The following DIDO1 variants were observed in gnomAD, a reference collection of about 807,000 sequenced individuals.
DIDO1 encodes the protein death inducer-obliterator 1, also known as death-inducer obliterator 1.
A neutral mutation model predicts 99.4 loss-of-function variants in DIDO1; 16 were observed. That is an observed-to-expected ratio of 0.16 (90% CI 0.11 to 0.24). The LOEUF (loss-of-function observed/expected upper bound fraction) is 0.24. Among genes scored for constraint, DIDO1 ranks in the 10% least tolerant of loss-of-function variants. The pLI is 1.00. For synonymous variants in DIDO1, 1,366 were observed against 1,239.1 expected (o/e 1.10, Z -2.15); for missense variants, 2,996 against 3,014.0 (o/e 0.99, Z 0.14).
rs1036416163 is a variant in DIDO1 at position 62,880,638 on chromosome 20, C to A, written c.5318G>T (p.Gly1773Val). The change falls in exon 16 of 16, where the codon GGA (glycine) becomes GTA (valine). Residue 1773 changes from glycine to valine, a missense_variant. Around this residue, in one of 5 missense-constraint regions of DIDO1, gnomAD observed 1,562 missense variants for 1,412.6 expected, o/e 1.11. Coordinates refer to ENST00000395343, the MANE Select transcript of DIDO1 (RefSeq NM_001193369.2). Reference sequence around the variant, plus strand: ...AAACGGAGGGGCTGGCCCCCTTGGTCCCGGGAAATTGGGGCCGTGAAGCCC... The same window carrying A: ...AAACGGAGGGGCTGGCCCCCTTGGTACCGGGAAATTGGGGCCGTGAAGCCC... ...MSGLHGPNFPGPRGPAPPFPE... is the reference protein window; with the variant it reads ...MSGLHGPNFPVPRGPAPPFPE... 4 of 1,612,764 alleles carry A rather than the reference C, an allele frequency of 2.5e-6. No homozygotes were observed. Among genetic ancestry groups the A allele is most frequent in the Middle Eastern group, 1.6e-4 (1 of 6,084 alleles).
chr20:62,925,743 G>C (rs1037569338), intron 1 of DIDO1, among the ~76,000 whole-genome samples: 3 of 152,172 alleles, frequency 2.0e-5, no homozygotes, highest in South Asian at 2.1e-4. Context: ...GCGCAAGAGC[G>C]GGCCCTTTCG....
chr20:62,905,507 A>G (rs779637856), intron 6 of DIDO1: 5 of 1,550,916 alleles, frequency 3.2e-6, no homozygotes, highest in Non-Finnish European at 4.4e-6. Flanking sequence ...TGTTGTCAGA[A>G]CAACTCATGT....
intron 6 of DIDO1, among the ~76,000 whole-genome samples, chr20:62,903,565 C>CA (rs1455668993): frequency 6.6e-6 from 1 of 152,202 alleles, no homozygotes; most frequent in East Asian, 1.9e-4. Flanking sequence ...GTTGAGCCTA[C>CA]AAAAGTGCAG....
chr20:62,895,155 T>C lies in DIDO1; in HGVS notation c.2225A>G (p.His742Arg). 1 of 1,607,886 alleles carries C rather than the reference T, an allele frequency of 6.2e-7. No individual in the cohort carries two copies. Among genetic ancestry groups the C allele is most frequent in the Non-Finnish European group, 8.5e-7 (1 of 1,174,734 alleles). The change falls in exon 9 of 16, where the codon CAT (histidine) becomes CGT (arginine). Residue 742 changes from histidine to arginine, a missense_variant. Around this residue, in one of 5 missense-constraint regions of DIDO1, gnomAD observed 898 missense variants for 972.7 expected, o/e 0.92. Coordinates refer to ENST00000395343, the MANE Select transcript of DIDO1 (RefSeq NM_001193369.2). ...AGAGATTTCCTCACGCAGAACACGATGGAAGAGTCCCTATAAACAAGTATT... is the reference window on the plus strand; with the variant it reads ...AGAGATTTCCTCACGCAGAACACGACGGAAGAGTCCCTATAAACAAGTATT... ...LKDPKNQGLF[H>R]RVLREEISLA...
chr20:62,916,032 T>G (rs1207637016), intron 1 of DIDO1, among the ~76,000 whole-genome samples: 4 of 152,116 alleles, frequency 2.6e-5, no homozygotes, highest in Non-Finnish European at 4.4e-5. Flanking sequence ...CAGAGAAAAT[T>G]TACTATAACA....
rs1190278688 is a variant in DIDO1 at position 62,910,937 on chromosome 20, C to T, written c.676G>A (p.Val226Met). ...KQEPENDQGV[V>M]SQAGKDDRES... ...CTGTCATCTTTCCCAGCCTGGGACACAACCCCCTGATCGTTCTCGGGCTCC... is the reference window on the plus strand; with the variant it reads ...CTGTCATCTTTCCCAGCCTGGGACATAACCCCCTGATCGTTCTCGGGCTCC... Residue 226 changes from valine to methionine, a missense_variant, in exon 3 of 16, where the codon GTG becomes ATG. This residue lies in a region of DIDO1 where 388 missense variants were observed against 376.6 expected (regional missense o/e 1.03). Coordinates refer to ENST00000395343, the MANE Select transcript of DIDO1 (RefSeq NM_001193369.2). 7 of 1,614,084 alleles carry T rather than the reference C, an allele frequency of 4.3e-6. No homozygotes were observed. Among genetic ancestry groups the T allele is most frequent in the Non-Finnish European group, 5.1e-6 (6 of 1,180,048 alleles).
In DIDO1 at chr20:62,879,644, G is replaced by T. The variant is rs1309450747; in HGVS notation, c.6312C>A (p.Asp2104Glu). The change falls in exon 16 of 16, where the codon GAC becomes GAA. Residue 2104 changes from aspartate (D) to glutamate (E), a missense_variant. Asp to Glu is a conservative substitution (Grantham distance 45). Transcript: ENST00000395343. This position sits in a 1 kb window ranked among gnomAD's most constrained non-coding sequence, Gnocchi z 6.3. ...GPKEKPLEEP[D>E]AQGRASEDRR... ...TGTCCTCGGACGCCCGGCCCTGGGC[G>T]TCGGGCTCCTCCAGCGGCTTCTCTT... 6.2e-7 allele frequency: 1 copy of T among 1,606,946 alleles called. No individual in the cohort carries two copies. Among genetic ancestry groups the T allele is most frequent in the East Asian group, 2.2e-5 (1 of 44,842 alleles).
intron 15 of DIDO1, among the ~76,000 whole-genome samples, chr20:62,886,077 G>A (rs1244645983): frequency 2.1e-4 from 32 of 152,252 alleles, no homozygotes; most frequent in Admixed American, 2.0e-3. Context: ...GCTGGCACCA[G>A]CCAGGTTGCG....
intron 1 of DIDO1, among the ~76,000 whole-genome samples, chr20:62,936,604 G>T (rs1005008173): frequency 3.9e-5 from 6 of 152,122 alleles, no homozygotes; most frequent in African/African-American, 1.4e-4. Flanking sequence ...GGTGGCTCAC[G>T]CCTGTAATCC....
At chr20:62,883,220 G>T (rs2064242413) in intron 15 of DIDO1, among the ~76,000 whole-genome samples, 1 of 151,322 alleles carries the variant, frequency 6.6e-6, no homozygotes, top group African/African-American at 2.4e-5. Context: ...CACCGCACCC[G>T]GACCCCTTTT....
chr20:62,879,212 G>T lies in DIDO1; in HGVS notation c.*21C>A. 1 of 1,467,846 alleles carries T rather than the reference G, an allele frequency of 6.8e-7. No homozygotes were observed. The allele number at this position is 1,467,846 out of a possible 1,614,324, so 90.9% of individuals were successfully genotyped here. The stretch of plus-strand genomic sequence containing the variant: ...TCTTACGAACGTGGCTTTAAAAAGG[G>T]TCTCTGCCCGGCCGGGGCGTCTAGG... On this transcript the variant is annotated 3_prime_UTR_variant, in exon 16 of 16. Coordinates refer to ENST00000395343, the MANE Select transcript of DIDO1 (RefSeq NM_001193369.2). This position sits in a 1 kb window ranked among gnomAD's most constrained non-coding sequence, Gnocchi z 6.3.
intron 1 of DIDO1, among the ~76,000 whole-genome samples, chr20:62,920,415 G>A (rs1299201539): frequency 3.9e-5 from 6 of 152,214 alleles, no homozygotes; most frequent in Admixed American, 6.5e-5. Flanking sequence ...TCAGCAAGGG[G>A]CTGTGTAGGG....
At position 62,911,516 on chromosome 20, in the gene DIDO1, T is replaced by C. The variant is rs2064941289; in HGVS notation, c.97A>G (p.Thr33Ala). 1.9e-6 allele frequency: 3 copies of C among 1,612,618 alleles called. No homozygotes were observed. The highest frequency in any genetic ancestry group is 1.3e-5 in the African/African-American group (1 of 74,948). Residue 33 changes from threonine (T) to alanine (A), a missense_variant, in exon 3 of 16, where the codon ACT (threonine) becomes GCT (alanine). Thr to Ala is a moderately conservative substitution (Grantham distance 58). Around this residue, in one of 5 missense-constraint regions of DIDO1, gnomAD observed 388 missense variants for 376.6 expected, o/e 1.03. Coordinates refer to ENST00000395343, the MANE Select transcript of DIDO1 (RefSeq NM_001193369.2). The surrounding 1 kb of genome is among the most constrained non-coding windows in gnomAD (Gnocchi z 7.0). The part of the protein sequence containing the change: ...FRKTWGFRRT[T>A]IAKREGAGDA... ...CCTGCGCCCTCTCGCTTGGCGATAGTGGTCCTTCGAAAACCCCATGTTTTC... is the reference window on the plus strand; with the variant it reads ...CCTGCGCCCTCTCGCTTGGCGATAGCGGTCCTTCGAAAACCCCATGTTTTC...
intron 15 of DIDO1, chr20:62,890,247 G>A (rs2147383507): frequency 1.0e-6 from 1 of 985,954 alleles, no homozygotes; most frequent in Middle Eastern, 5.2e-4. Flanking sequence ...CACTTCAGTT[G>A]GGCATCAGAT....
At chr20:62,937,813 T>C (rs2065408878) in exon 1 of DIDO1, 1 of 398,060 alleles carries the variant, frequency 2.5e-6, no homozygotes, top group Non-Finnish European at 4.4e-6. Flanking sequence ...TCCGACTCAG[T>C]GTAGACGTCG....
At chr20:62,927,737 G>A (rs996134922), upstream of DIDO1, among the ~76,000 whole-genome samples, 3 of 152,208 alleles carry the variant, frequency 2.0e-5, no homozygotes, top group Admixed American at 1.3e-4. Flanking sequence ...TAATAATACC[G>A]CTGAAGATTA....
In DIDO1 at chr20:62,911,628, G is replaced by T; in HGVS notation, c.-2-14C>A. On this transcript the variant is annotated splice_polypyrimidine_tract_variant and intron_variant, in intron 2 of 15. Coordinates refer to ENST00000395343, the MANE Select transcript of DIDO1 (RefSeq NM_001193369.2). This position sits in a 1 kb window ranked among gnomAD's most constrained non-coding sequence, Gnocchi z 7.0. ...TGTCGTCCATACCTAGCGGTAAAGT[G>T]TAAGCACATAGTGACCAACTGACCA... 6.5e-7 allele frequency: 1 copy of T among 1,539,732 alleles called. No individual in the cohort carries two copies. The highest frequency in any genetic ancestry group is 2.0e-5 in the Admixed American group (1 of 50,566).
chr20:62,935,800 T>C (rs1231901933), intron 1 of DIDO1, among the ~76,000 whole-genome samples: 3 of 152,202 alleles, frequency 2.0e-5, no homozygotes, highest in African/African-American at 4.8e-5. Flanking sequence ...CTGTCTGCTA[T>C]GTGAGAGGTA....
chr20:62,905,250 CACTT>C lies in DIDO1; in HGVS notation c.1588+633_1588+636del, dbSNP rs1194833907. 6.8e-6 allele frequency: 9 copies of C among 1,328,402 alleles called. No homozygotes were observed. The Admixed American group carries it at 9.5e-5, about 14-fold the overall frequency. The allele number at this position is 1,328,402 out of a possible 1,614,324, so 82.3% of individuals were successfully genotyped here. A position where few individuals can be genotyped will look rare whatever the true frequency, so the allele number is the denominator to read the frequency against. On this transcript the variant is annotated intron_variant, in intron 6 of 15. Transcript: ENST00000395343. ...CAGGACAGTGTTCTAGGTGTGAACTCACTTACCGTGGGGCCTATGAAGCAGGAGT... is the reference window on the plus strand; with the variant it reads ...CAGGACAGTGTTCTAGGTGTGAACTCACCGTGGGGCCTATGAAGCAGGAGT...
Sources: allele counts gnomAD v4.1 joint callset (sites outside exome capture counted in the v4.1 genomes callset), GRCh38; gene constraint gnomAD v4.1.1; regional missense constraint gnomAD v4.1.1; non-coding constraint Gnocchi (gnomAD v3.1); transcripts MANE v1.5; gene names NCBI Gene and HGNC (gene_info 2026-07-23, HGNC 2026-07-21).